The following CSNK2A2IP variants were observed in gnomAD, a reference collection of about 807,000 sequenced individuals.
The protein encoded by CSNK2A2IP is casein kinase 2 subunit alpha' interacting protein, also known as casein kinase II subunit alpha'-interacting protein.
chr3:88,379,742 G>A, the CSNK2A2IP span, among the ~76,000 whole-genome samples: 26 of 152,138 alleles, frequency 1.7e-4, no homozygotes, highest in African/African-American at 6.0e-4. Flanking sequence ...GCAGGTCCTG[G>A]CATTGTTAGG....
chr3:88,458,641 A>T, the CSNK2A2IP span, among the ~76,000 whole-genome samples: 8 of 151,626 alleles, frequency 5.3e-5, no homozygotes, highest in Non-Finnish European at 1.2e-4. Flanking sequence ...TTTCTTAAGG[A>T]GGAAGCTAAT....
chr3:88,457,751 A>AAATC, the CSNK2A2IP span, among the ~76,000 whole-genome samples: 583 of 148,322 alleles, frequency 3.9e-3, 4 homozygotes, highest in East Asian at 0.033. Context: ...AAAATAAAAT[A>AAATC]AAATCTAGTA....
chr3:88,390,126 G>A, the CSNK2A2IP span, among the ~76,000 whole-genome samples: 2 of 152,120 alleles, frequency 1.3e-5, no homozygotes, highest in Admixed American at 6.5e-5. Flanking sequence ...TTCTTGGGGA[G>A]GAGGGTGGTT....
the CSNK2A2IP span, among the ~76,000 whole-genome samples, chr3:88,409,644 A>G: frequency 3.0e-3 from 463 of 152,174 alleles, 3 homozygotes; most frequent in Non-Finnish European, 5.0e-3. Context: ...CTTAGGACAA[A>G]TTATAGCACA....
chr3:88,394,703 T>C, the CSNK2A2IP span, among the ~76,000 whole-genome samples: 1 of 152,186 alleles, frequency 6.6e-6, no homozygotes, highest in African/African-American at 2.4e-5. Context: ...TGGCTAATGA[T>C]ATTGTGCACT....
At chr3:88,466,376 G>A in the CSNK2A2IP span, 2 of 1,231,796 alleles carry the variant, frequency 1.6e-6, no homozygotes, top group Non-Finnish European at 2.0e-6. Context: ...TCACCTGTCT[G>A]TCACTCCAAG....
chr3:88,421,600 G>A, the CSNK2A2IP span, among the ~76,000 whole-genome samples: 2 of 151,996 alleles, frequency 1.3e-5, no homozygotes, highest in South Asian at 4.1e-4. Context: ...ATTTTTTAGT[G>A]GAGATGGGGT....
the CSNK2A2IP span, among the ~76,000 whole-genome samples, chr3:88,406,631 A>G: frequency 6.6e-6 from 1 of 152,216 alleles, no homozygotes; most frequent in Non-Finnish European, 1.5e-5. Flanking sequence ...CGACTGTTAC[A>G]TTGGACTTCA....
the CSNK2A2IP span, among the ~76,000 whole-genome samples, chr3:88,441,153 T>C: frequency 6.6e-6 from 1 of 152,172 alleles, no homozygotes; most frequent in African/African-American, 2.4e-5. Flanking sequence ...TCCTATTAAC[T>C]AATCACTTAA....
the CSNK2A2IP span, among the ~76,000 whole-genome samples, chr3:88,455,609 T>C: frequency 6.6e-6 from 1 of 152,116 alleles, no homozygotes; most frequent in East Asian, 1.9e-4. Flanking sequence ...TAACTATTTA[T>C]CGGATATATG....
chr3:88,342,679 GA>G, the CSNK2A2IP span, among the ~76,000 whole-genome samples: 2 of 140,816 alleles, frequency 1.4e-5, no homozygotes, highest in Non-Finnish European at 3.1e-5. Context: ...TATATTGTCA[GA>G]AAAAAAAATA....
chr3:88,453,990 A>G, the CSNK2A2IP span, among the ~76,000 whole-genome samples: 4 of 152,058 alleles, frequency 2.6e-5, no homozygotes, highest in Admixed American at 2.6e-4. Flanking sequence ...ATGTATATTT[A>G]ACTTTTAAAG....
chr3:88,367,499 G>T, the CSNK2A2IP span, among the ~76,000 whole-genome samples: 2 of 152,058 alleles, frequency 1.3e-5, no homozygotes, highest in African/African-American at 4.8e-5. Context: ...GATAAAAAAA[G>T]ATTTTGGAGA....
the CSNK2A2IP span, among the ~76,000 whole-genome samples, chr3:88,371,089 T>C: frequency 6.6e-6 from 1 of 151,756 alleles, no homozygotes; most frequent in Non-Finnish European, 1.5e-5. Context: ...TATTTGGTTA[T>C]GGCAGCCTGA....
chr3:88,360,139 CTT>C, the CSNK2A2IP span, among the ~76,000 whole-genome samples: 242 of 140,306 alleles, frequency 1.7e-3, no homozygotes, highest in South Asian at 9.9e-3. Context: ...GAGTTTTTGT[CTT>C]TTTTTTTTTT....
chr3:88,349,586 G>A, the CSNK2A2IP span, among the ~76,000 whole-genome samples: 1 of 152,076 alleles, frequency 6.6e-6, no homozygotes, highest in African/African-American at 2.4e-5. Context: ...AAATTGAGCT[G>A]CTATAAACAT....
the CSNK2A2IP span, among the ~76,000 whole-genome samples, chr3:88,338,897 TA>T: frequency 6.6e-6 from 1 of 152,150 alleles, no homozygotes; most frequent in South Asian, 2.1e-4. Context: ...ATGCTTTATT[TA>T]TTTTTTTAAT....
the CSNK2A2IP span, among the ~76,000 whole-genome samples, chr3:88,463,818 T>C: frequency 4.9e-3 from 746 of 152,128 alleles, 6 homozygotes; most frequent in African/African-American, 0.017. Flanking sequence ...ACCCAAAGGA[T>C]TATAAATCAT....
the CSNK2A2IP span, among the ~76,000 whole-genome samples, chr3:88,382,405 T>C: frequency 2.6e-5 from 4 of 152,196 alleles, no homozygotes; most frequent in Non-Finnish European, 4.4e-5. Flanking sequence ...TGCCAATAGA[T>C]GGGGCTTAAT....
Sources: gnomAD v4.1 joint callset for allele counts (sites outside exome capture counted in the v4.1 genomes callset) on GRCh38, gnomAD v4.1.1 for gene constraint, MANE v1.5 for transcripts, NCBI Gene and HGNC (gene_info 2026-07-23, HGNC 2026-07-21) for gene names.